Variants in GAD2 observed in about 807,000 individuals in gnomAD.
GAD2 encodes the protein glutamate decarboxylase 2.
Under a neutral mutation model 80.1 loss-of-function variants are expected in GAD2, and 22 were observed. The ratio of observed to expected loss-of-function variants is 0.27; its 90% CI spans 0.20 to 0.39. The LOEUF (loss-of-function observed/expected upper bound fraction) is 0.39, where lower values mean the gene tolerates loss of function less well. GAD2 is among the 10% of genes least tolerant of loss of function. GAD2 has a pLI of 1.00. For synonymous variants in GAD2, 274 were observed against 256.9 expected, an observed-to-expected ratio of 1.07 and a Z score of -0.64; for missense variants, 624 against 738.4, an observed-to-expected ratio of 0.85 and a Z score of 1.80.
chr10:26,260,878 A>G (rs139912654), intron 8 of GAD2, among the ~76,000 whole-genome samples: 51 of 152,318 alleles, frequency 3.3e-4, no homozygotes, highest in African/African-American at 1.2e-3. Flanking sequence ...TTTGATAATT[A>G]GCAAAGCTGA....
At chr10:26,218,307 T>C (rs1345418464) in intron 3 of GAD2, 1 of 291,370 alleles carries the variant, frequency 3.4e-6, no homozygotes, top group African/African-American at 2.2e-5. Flanking sequence ...CTGGCTTCCC[T>C]AGGCCGCTGG....
At chr10:26,265,513 G>A (rs374779015) in intron 8 of GAD2, among the ~76,000 whole-genome samples, 19 of 151,898 alleles carry the variant, frequency 1.3e-4, no homozygotes, top group East Asian at 1.9e-4. Flanking sequence ...AGCATCATAC[G>A]ACTTCTTAAA....
intron 15 of GAD2, among the ~76,000 whole-genome samples, 195 bp from the exon 16 acceptor site, chr10:26,300,593 C>T (rs1384850634): frequency 6.6e-6 from 1 of 152,134 alleles, no homozygotes; most frequent in East Asian, 1.9e-4. Context: ...CCTCTTATCA[C>T]TTGCAGGATC....
At chr10:26,255,513 T>C (rs1232026547) in intron 8 of GAD2, among the ~76,000 whole-genome samples, 1 of 151,790 alleles carries the variant, frequency 6.6e-6, no homozygotes, top group African/African-American at 2.4e-5. Flanking sequence ...GGGTGGCTTT[T>C]GGCTTTGTTG....
intron 7 of GAD2, among the ~76,000 whole-genome samples, chr10:26,237,987 G>C (rs551769346): frequency 4.7e-4 from 70 of 149,198 alleles, no homozygotes; most frequent in African/African-American, 1.7e-3. Flanking sequence ...AGGTGACAGG[G>C]CGAGACTCCA....
At position 26,223,117 on chromosome 10, in the gene GAD2, C is replaced by G. The variant is rs547301373; in HGVS notation, c.521-770C>G. On this transcript the variant is annotated intron_variant, in intron 4 of 15. Transcript: ENST00000376261. ...GGAATCTAGAAGTTAATTAGATAAG[C>G]CTTGCGATGGACTAATCAGTCGATT... Among the ~76,000 whole-genome samples, 4 of 152,232 alleles carry G rather than the reference C, an allele frequency of 2.6e-5. No individual in the cohort carries two copies. In the South Asian group the frequency reaches 6.2e-4, roughly 24 times the overall value.
At chr10:26,289,377 G>A (rs1250546148) in intron 13 of GAD2, among the ~76,000 whole-genome samples, 2 of 151,976 alleles carry the variant, frequency 1.3e-5, no homozygotes, top group South Asian at 2.1e-4. Flanking sequence ...TGGAGAATTC[G>A]GTGTTTTCCA....
chr10:26,247,168 A>G (rs1844819773), intron 8 of GAD2, among the ~76,000 whole-genome samples: 1 of 152,214 alleles, frequency 6.6e-6, no homozygotes, highest in Non-Finnish European at 1.5e-5. Flanking sequence ...TCTTGATTAT[A>G]TGCTTAACAA....
chr10:26,240,629 C>T (rs553728706), intron 7 of GAD2, among the ~76,000 whole-genome samples: 33 of 151,648 alleles, frequency 2.2e-4, no homozygotes, highest in African/African-American at 7.5e-4. Context: ...CTACTCAGGA[C>T]GCTGAGCCAG....
chr10:26,286,524 A>G, intron 13 of GAD2, 30 bp downstream of exon 13: 3 of 1,570,882 alleles, frequency 1.9e-6, no homozygotes, highest in Non-Finnish European at 2.6e-6. Context: ...CTAAATGTCA[A>G]CTAAAAACAG....
At chr10:26,285,943 G>C (rs1237409413) in intron 12 of GAD2, among the ~76,000 whole-genome samples, 1 of 152,088 alleles carries the variant, frequency 6.6e-6, no homozygotes. Flanking sequence ...AAACCAAAGA[G>C]TTTCCAAAAT....
intron 8 of GAD2, among the ~76,000 whole-genome samples, chr10:26,266,392 C>T (rs372301389): frequency 2.5e-4 from 38 of 152,216 alleles, no homozygotes; most frequent in Non-Finnish European, 3.5e-4. Flanking sequence ...TAAGGTAATC[C>T]GGCCAATTCT....
chr10:26,293,305 G>A (rs1371803943), intron 15 of GAD2, among the ~76,000 whole-genome samples: 1 of 149,762 alleles, frequency 6.7e-6, no homozygotes, highest in African/African-American at 2.5e-5. Context: ...AGCCTCCCGA[G>A]TAGCTGGGAA....
At chr10:26,293,365 A>T (rs1251102256) in intron 15 of GAD2, among the ~76,000 whole-genome samples, 1 of 151,618 alleles carries the variant, frequency 6.6e-6, no homozygotes, top group East Asian at 1.9e-4. Flanking sequence ...TTTAGTAGAG[A>T]TGGGGTTTCA....
chr10:26,226,253 C>T (rs1165704602), intron 6 of GAD2, among the ~76,000 whole-genome samples: 1 of 152,124 alleles, frequency 6.6e-6, no homozygotes, highest in Non-Finnish European at 1.5e-5. Context: ...CCTACATGCC[C>T]CAGAAAACAT....
At chr10:26,218,111 G>T (rs928973051) in intron 3 of GAD2, 120 bp downstream of exon 3, 3 of 1,066,892 alleles carry the variant, frequency 2.8e-6, no homozygotes, top group South Asian at 1.7e-5. Flanking sequence ...AGCGGAGGCG[G>T]GACCTGCCAG....
Position 26,286,513 on chromosome 10 carries a change from G to A in GAD2, c.1386+19G>A. 1.3e-6 allele frequency: 2 copies of A among 1,582,194 alleles called. No individual in the cohort carries two copies. Among genetic ancestry groups the A allele is most frequent in the Non-Finnish European group, 1.7e-6 (2 of 1,169,104 alleles). On this transcript the variant is annotated intron_variant, in intron 13 of 15. Coordinates refer to ENST00000376261, the MANE Select transcript of GAD2 (RefSeq NM_001134366.2). ...GGCAAAGGTGAGTATGTATGGACCA[G>A]CTAAATGTCAACTAAAAACAGAACC...
At chr10:26,222,433 G>A (rs904257633) in intron 4 of GAD2, among the ~76,000 whole-genome samples, 4 of 151,938 alleles carry the variant, frequency 2.6e-5, no homozygotes, top group Admixed American at 1.3e-4. Context: ...AAATGAAGGA[G>A]CATCGGGAGG....
At chr10:26,274,194 T>C (rs1033213906) in intron 11 of GAD2, among the ~76,000 whole-genome samples, 1 of 152,252 alleles carries the variant, frequency 6.6e-6, no homozygotes, top group Non-Finnish European at 1.5e-5. Flanking sequence ...TCACTTAAAG[T>C]GAAACATACT....
Sources: allele counts gnomAD v4.1 joint callset (sites outside exome capture counted in the v4.1 genomes callset), GRCh38; gene constraint gnomAD v4.1.1; transcripts MANE v1.5; gene names NCBI Gene and HGNC (gene_info 2026-07-23, HGNC 2026-07-21).